Variants in TULP4 observed in about 807,000 individuals in gnomAD.
TULP4 encodes the protein TUB like protein 4.
In TULP4, 16 loss-of-function variants were observed where a neutral mutation model predicts 129.0. The observed-to-expected ratio is 0.12, with a 90% CI of 0.08 to 0.19. The LOEUF (loss-of-function observed/expected upper bound fraction) is 0.19, where lower values mean the gene tolerates loss of function less well. Ranked by LOEUF, TULP4 falls within the 10% of genes least tolerant of loss-of-function variation. The probability of loss-of-function intolerance (pLI) is 1.00; values close to 1 mark genes in which losing one functional copy is unlikely to be tolerated. For synonymous variants in TULP4, 998 were observed against 854.0 expected, an observed-to-expected ratio of 1.17 and a Z score of -2.94; for missense variants, 1,842 against 2,059.1, an observed-to-expected ratio of 0.89 and a Z score of 2.04.
chr6:158,377,592 G>A (rs1777220931), intron 1 of TULP4, among the ~76,000 whole-genome samples: 1 of 152,186 alleles, frequency 6.6e-6, no homozygotes, highest in African/African-American at 2.4e-5. Flanking sequence ...ATTTGTGCTA[G>A]ACACTATGCT....
At chr6:158,264,463 A>T (rs565595838) in intron 1 of TULP4, among the ~76,000 whole-genome samples, 24 of 152,282 alleles carry the variant, frequency 1.6e-4, no homozygotes, top group African/African-American at 4.8e-4. Context: ...TGTGTTTAAA[A>T]TTAAAACTCA....
At chr6:158,490,762 A>G (rs2128255160) in intron 9 of TULP4, among the ~76,000 whole-genome samples, 1 of 151,262 alleles carries the variant, frequency 6.6e-6, no homozygotes, top group Admixed American at 6.6e-5. Flanking sequence ...TGATATGTCA[A>G]ACGATATGTT....
chr6:158,384,606 T>C (rs1777399459), intron 1 of TULP4, among the ~76,000 whole-genome samples: 1 of 152,128 alleles, frequency 6.6e-6, no homozygotes, highest in Non-Finnish European at 1.5e-5. Flanking sequence ...TTTTTGTATC[T>C]TTTTATTAGT....
chr6:158,301,489 C>T lies in TULP4; in HGVS notation n.117-10562C>T, dbSNP rs1196825983. Among the ~76,000 whole-genome samples, 3 of 151,746 alleles carry T rather than the reference C, an allele frequency of 2.0e-5. No individual in the cohort carries two copies. The East Asian group carries it at 5.8e-4, about 29-fold the overall frequency. On this transcript the variant is annotated intron_variant and non_coding_transcript_variant, in intron 1 of 1. Coordinates refer to the TULP4 transcript ENST00000432358. ...ATGGAATGTTGAAAAGTGGCCTGAA[C>T]TTCGAGTTGATTTAAAGGAACCACA... is the stretch of plus-strand genomic sequence containing the variant.
At chr6:158,381,256 A>G (rs913991762) in intron 1 of TULP4, among the ~76,000 whole-genome samples, 1 of 151,970 alleles carries the variant, frequency 6.6e-6, no homozygotes, top group Non-Finnish European at 1.5e-5. Flanking sequence ...ATACAGCACC[A>G]TAATATCATC....
rs139614991 is a variant in TULP4 at position 158,443,941 on chromosome 6, C to T, written c.544-5055C>T. Among the ~76,000 whole-genome samples the T allele has an allele frequency of 2.9e-3, 439 of 152,060 alleles. 1 individual carries two copies. The highest frequency in any genetic ancestry group is 8.3e-3 in the African/African-American group (346 of 41,500). On this transcript the variant is annotated intron_variant, in intron 3 of 13. Transcript: ENST00000367097. ...GGGAGGTCTTAAAAAATTTTTTGGCCGGGTGCGGTGGCTCACGCCTGTAAT... is the reference window on the plus strand; with the variant it reads ...GGGAGGTCTTAAAAAATTTTTTGGCTGGGTGCGGTGGCTCACGCCTGTAAT...
At chr6:158,257,735 G>A (rs1195958002) in intron 1 of TULP4, among the ~76,000 whole-genome samples, 2 of 152,222 alleles carry the variant, frequency 1.3e-5, no homozygotes, top group Non-Finnish European at 2.9e-5. Context: ...TACCCTCCAT[G>A]TATGTTGTCT....
chr6:158,456,561 C>T (rs1779296152), intron 5 of TULP4, among the ~76,000 whole-genome samples: 1 of 152,122 alleles, frequency 6.6e-6, no homozygotes, highest in Non-Finnish European at 1.5e-5. Context: ...AGGCCGGGCA[C>T]GATGGCTCAC....
intron 9 of TULP4, among the ~76,000 whole-genome samples, 185 bp downstream of exon 9, chr6:158,489,917 T>C (rs534774847): frequency 2.4e-4 from 36 of 152,330 alleles, no homozygotes; most frequent in African/African-American, 8.2e-4. Flanking sequence ...TCCTTCGGGA[T>C]AGACAAAGAT....
At chr6:158,304,148 T>A (rs1382712494) in intron 1 of TULP4, among the ~76,000 whole-genome samples, 1 of 152,158 alleles carries the variant, frequency 6.6e-6, no homozygotes, top group Admixed American at 6.5e-5. Context: ...TTGATTAATC[T>A]ATGGGTATCT....
chr6:158,392,421 A>G (rs1340578691), intron 1 of TULP4, among the ~76,000 whole-genome samples: 1 of 152,234 alleles, frequency 6.6e-6, no homozygotes, highest in African/African-American at 2.4e-5. Context: ...TTATGCAAAT[A>G]GGAATTTGAA....
At chr6:158,376,745 T>C (rs1777200481) in intron 1 of TULP4, among the ~76,000 whole-genome samples, 1 of 152,198 alleles carries the variant, frequency 6.6e-6, no homozygotes, top group South Asian at 2.1e-4. Context: ...ATAGGAGAAG[T>C]TGGCTGGAGC....
intron 12 of TULP4, among the ~76,000 whole-genome samples, chr6:158,499,774 C>G (rs1780403432): frequency 6.6e-6 from 1 of 152,006 alleles, no homozygotes; most frequent in African/African-American, 2.4e-5. Flanking sequence ...TCAGCTTGGG[C>G]CCTCCTCCTC....
At chr6:158,309,495 C>T (rs1331065441), upstream of TULP4, among the ~76,000 whole-genome samples, 12 of 151,500 alleles carry the variant, frequency 7.9e-5, no homozygotes, top group East Asian at 4.0e-4. Flanking sequence ...GGGTGGCGGC[C>T]GGGCAGAGGC....
intron 1 of TULP4, among the ~76,000 whole-genome samples, chr6:158,254,247 A>G (rs1225886425): frequency 6.6e-6 from 1 of 152,044 alleles, no homozygotes; most frequent in African/African-American, 2.4e-5. Flanking sequence ...GGTTTAAATG[A>G]TTCTCATGAC....
At chr6:158,335,690 G>A (rs752378275) in intron 1 of TULP4, among the ~76,000 whole-genome samples, 1 of 152,176 alleles carries the variant, frequency 6.6e-6, no homozygotes, top group Non-Finnish European at 1.5e-5. Context: ...TTTGACAAAA[G>A]GACTGTTTTT....
chr6:158,478,180 C>T (rs1481116024), intron 6 of TULP4, among the ~76,000 whole-genome samples: 1 of 152,182 alleles, frequency 6.6e-6, no homozygotes, highest in African/African-American at 2.4e-5. Flanking sequence ...ACAAAATTAC[C>T]TGTACACCAA....
chr6:158,485,341 C>CA (rs1204437079), intron 8 of TULP4, among the ~76,000 whole-genome samples: 3 of 152,014 alleles, frequency 2.0e-5, no homozygotes, highest in East Asian at 1.9e-4. Context: ...ATTCATATTG[C>CA]AAAAAATAAG....
chr6:158,236,804 T>C (rs1377988952), intron 1 of TULP4, among the ~76,000 whole-genome samples: 72 of 50,368 alleles, frequency 1.4e-3, no homozygotes, highest in African/African-American at 4.2e-3. Context: ...TCTTTTTTTT[T>C]TTTTTTTTTT....
Sources: gnomAD v4.1 joint callset for allele counts (sites outside exome capture counted in the v4.1 genomes callset) on GRCh38, gnomAD v4.1.1 for gene constraint, MANE v1.5 for transcripts, NCBI Gene and HGNC (gene_info 2026-07-23, HGNC 2026-07-21) for gene names.